Variants in LHFPL5 observed in about 807,000 individuals in gnomAD.
The protein encoded by LHFPL5 is LHFPL tetraspan subfamily member 5 protein.
Under a neutral mutation model 18.7 loss-of-function variants are expected in LHFPL5, and 12 were observed. That is an observed-to-expected ratio of 0.64 (90% CI 0.41 to 1.04). The LOEUF is 1.04. Among genes scored for constraint, LHFPL5 ranks in the 50% least tolerant of loss-of-function variants. The pLI is 0.00. For synonymous variants in LHFPL5, 111 were observed against 120.2 expected (o/e 0.92, Z 0.50); for missense variants, 259 against 292.1 (o/e 0.89, Z 0.83).
In LHFPL5 at chr6:35,810,489, G is replaced by A. The variant is rs778616445; in HGVS notation, c.413-4057G>A. On this transcript the variant is annotated intron_variant, in intron 1 of 3. Transcript: ENST00000360215. ...CCCAGCATTTTGGGAGGCCGAGGTG[G>A]GTGGATCATGATGTCAGGAGATCGA... Among the ~76,000 whole-genome samples the A allele has an allele frequency of 2.6e-5, 4 of 152,132 alleles. No individual in the cohort carries two copies. The South Asian group carries it at 6.2e-4, about 24-fold the overall frequency.
intron 2 of LHFPL5, among the ~76,000 whole-genome samples, chr6:35,818,349 GTATTTTT>G (rs1561955731): frequency 1.4e-4 from 1 of 7,290 alleles, no homozygotes; most frequent in African/African-American, 2.7e-4. Context: ...ATATATATAT[GTATTTTT>G]TTTTTTTTTT....
chr6:35,808,354 AAAT>A, intron 1 of LHFPL5, among the ~76,000 whole-genome samples: 1 of 146,346 alleles, frequency 6.8e-6, no homozygotes, highest in Non-Finnish European at 1.5e-5. Flanking sequence ...ATATAAATAA[AAAT>A]AATAATAAGG....
intron 2 of LHFPL5, among the ~76,000 whole-genome samples, chr6:35,816,122 G>GA (rs903813115): frequency 1.3e-5 from 2 of 149,784 alleles, no homozygotes. Context: ...AGTGAGCCGA[G>GA]ATTGCGCCAC....
chr6:35,808,414 G>A (rs897636325), intron 1 of LHFPL5, among the ~76,000 whole-genome samples: 13 of 146,696 alleles, frequency 8.9e-5, no homozygotes, highest in African/African-American at 2.2e-4. Flanking sequence ...TTGGGAGGGC[G>A]AGGTGGGCAG....
chr6:35,820,497 G>A (rs1433194128), intron 3 of LHFPL5, among the ~76,000 whole-genome samples: 2 of 151,692 alleles, frequency 1.3e-5, no homozygotes, highest in Non-Finnish European at 2.9e-5. Flanking sequence ...TCAGGAGATC[G>A]AGACCATCCT....
chr6:35,819,458 G>A lies in LHFPL5; in HGVS notation c.*11G>A, dbSNP rs181026083. 36 of 1,613,864 alleles carry A rather than the reference G, an allele frequency of 2.2e-5. No homozygotes were observed. The East Asian group carries it at 7.8e-4, about 35-fold the overall frequency. Reference sequence around the variant, plus strand: ...ACAGAGGAGGTGTGAAGCAGCTGAAGGGTCGGTGAGTAATTCTATGGGAGG... The same window carrying A: ...ACAGAGGAGGTGTGAAGCAGCTGAAAGGTCGGTGAGTAATTCTATGGGAGG... On this transcript the variant is annotated 3_prime_UTR_variant, in exon 3 of 4. Transcript: ENST00000360215.
intron 3 of LHFPL5, among the ~76,000 whole-genome samples, chr6:35,821,447 CTTTGTGTGTG>C (rs1449704911): frequency 8.7e-6 from 1 of 114,396 alleles, no homozygotes; most frequent in Non-Finnish European, 1.8e-5. Flanking sequence ...AGAGCATAAT[CTTTGTGTGTG>C]TGTGTGTGTG....
intron 2 of LHFPL5, among the ~76,000 whole-genome samples, chr6:35,817,148 T>C (rs1768778193): frequency 2.6e-5 from 4 of 152,022 alleles, no homozygotes; most frequent in Non-Finnish European, 5.9e-5. Context: ...AGTGAAACCC[T>C]GTCTCTACTA....
At chr6:35,807,989 G>T (rs548795447) in intron 1 of LHFPL5, among the ~76,000 whole-genome samples, 128 of 152,004 alleles carry the variant, frequency 8.4e-4, no homozygotes, top group African/African-American at 2.9e-3. Context: ...AAGTAGGAAG[G>T]CATGCACCTT....
chr6:35,811,927 G>T lies in LHFPL5; in HGVS notation c.413-2619G>T, dbSNP rs74526491. Among the ~76,000 whole-genome samples, 461 of 152,328 alleles carry T rather than the reference G, an allele frequency of 3.0e-3. 6 individuals are homozygous for T. Among genetic ancestry groups the T allele is most frequent in the Middle Eastern group, 0.01 (3 of 294 alleles). ...CCCCTGGGAGAGATGTCATGTTCTG[G>T]GGGTGGAGGGAATAAACTTTGAAGT... On this transcript the variant is annotated intron_variant, in intron 1 of 3. Coordinates refer to ENST00000360215, the MANE Select transcript of LHFPL5 (RefSeq NM_182548.4).
Position 35,814,474 on chromosome 6 carries a change from G to A in LHFPL5, c.413-72G>A. On this transcript the variant is annotated intron_variant, in intron 1 of 3. Transcript: ENST00000360215. The surrounding 1 kb of genome is among the most constrained non-coding windows in gnomAD (Gnocchi z 4.2). ...GAAGGGAGGTGACAACATAACAGCAGTGCAAGGTGTGGGAGGTAGCGGGCT... is the reference window on the plus strand; with the variant it reads ...GAAGGGAGGTGACAACATAACAGCAATGCAAGGTGTGGGAGGTAGCGGGCT... 1 of 1,160,978 alleles carries A rather than the reference G, an allele frequency of 8.6e-7. No individual in the cohort carries two copies. Among genetic ancestry groups the A allele is most frequent in the Non-Finnish European group, 1.3e-6 (1 of 767,284 alleles). 71.9% of individuals were successfully genotyped at this position (1,160,978 alleles called of 1,614,324 possible). A position where few individuals can be genotyped will look rare whatever the true frequency, so the allele number is the denominator to read the frequency against.
Position 35,823,732 on chromosome 6 carries a change from T to C in LHFPL5, c.*767T>C, listed in dbSNP as rs1768922010. 2 of 152,080 alleles carry C rather than the reference T, an allele frequency of 1.3e-5. No homozygotes were observed. Among genetic ancestry groups the C allele is most frequent in the African/African-American group, 4.8e-5 (2 of 41,418 alleles). 9.4% of individuals were successfully genotyped at this position (152,080 alleles called of 1,614,324 possible). ...GATAGGATCTAAAATCTCTGCAGAC[T>C]TTTTTCCTCCCGGGAGCCAAATATC... On this transcript the variant is annotated 3_prime_UTR_variant, in exon 4 of 4. Transcript: ENST00000360215.
intron 1 of LHFPL5, among the ~76,000 whole-genome samples, chr6:35,813,910 C>T (rs953036441): frequency 1.3e-4 from 19 of 151,358 alleles, no homozygotes. Context: ...TACTCTCCTG[C>T]CTCAGCCTCC....
chr6:35,817,365 T>G (rs1768785271), intron 2 of LHFPL5, among the ~76,000 whole-genome samples: 1 of 152,134 alleles, frequency 6.6e-6, no homozygotes, highest in South Asian at 2.1e-4. Context: ...TCAGCTTTCA[T>G]TAAAATTTAA....
intron 2 of LHFPL5, among the ~76,000 whole-genome samples, chr6:35,815,706 A>G (rs1426521431): frequency 6.6e-6 from 1 of 152,186 alleles, no homozygotes; most frequent in African/African-American, 2.4e-5. Context: ...GAGGAACTTG[A>G]AGCCCAAAAG....
At position 35,814,309 on chromosome 6, in the gene LHFPL5, T is replaced by C. The variant is rs1768720660; in HGVS notation, c.413-237T>C. ...GCAGAGCCGGCCTGGGCTTAGGAGC[T>C]CAGCTCTGCCTCCGCCCCAACTACT... is the stretch of plus-strand genomic sequence containing the variant. On this transcript the variant is annotated intron_variant, in intron 1 of 3. Coordinates refer to ENST00000360215, the MANE Select transcript of LHFPL5 (RefSeq NM_182548.4). The surrounding 1 kb of genome is among the most constrained non-coding windows in gnomAD (Gnocchi z 4.2). 6.6e-6 allele frequency among the ~76,000 whole-genome samples: 1 copy of C among 151,906 alleles called. No individual in the cohort carries two copies. Among genetic ancestry groups the C allele is most frequent in the South Asian group, 2.1e-4 (1 of 4,802 alleles).
chr6:35,812,792 C>A (rs923848719), intron 1 of LHFPL5, among the ~76,000 whole-genome samples: 2 of 152,176 alleles, frequency 1.3e-5, no homozygotes, highest in Non-Finnish European at 2.9e-5. Context: ...CGGTGGCTCA[C>A]GCCTGTAATC....
intron 3 of LHFPL5, among the ~76,000 whole-genome samples, chr6:35,820,374 G>C (rs1174286345): frequency 6.6e-6 from 1 of 152,104 alleles, no homozygotes; most frequent in African/African-American, 2.4e-5. Context: ...TGTTAAATGT[G>C]ATTTAACAAG....
intron 3 of LHFPL5, among the ~76,000 whole-genome samples, chr6:35,821,669 C>T (rs1459556626): frequency 2.6e-5 from 4 of 151,730 alleles, no homozygotes; most frequent in Admixed American, 6.6e-5. Context: ...TTAGTAGAGA[C>T]GGGGTTTCTC....
Sources: allele counts gnomAD v4.1 joint callset (sites outside exome capture counted in the v4.1 genomes callset), GRCh38; gene constraint gnomAD v4.1.1; non-coding constraint Gnocchi (gnomAD v3.1); transcripts MANE v1.5; gene names NCBI Gene and HGNC (gene_info 2026-07-23, HGNC 2026-07-21).